Variants in GNRHR observed in about 807,000 individuals in gnomAD.
The protein encoded by GNRHR is gonadotropin-releasing hormone receptor.
Under a neutral mutation model 28.1 loss-of-function variants are expected in GNRHR, and 14 were observed. The observed-to-expected ratio is 0.50, with a 90% CI of 0.33 to 0.78. The LOEUF (loss-of-function observed/expected upper bound fraction) is 0.78. Ranked by LOEUF, GNRHR falls within the 30% of genes least tolerant of loss-of-function variation. The pLI is 0.02. For synonymous variants in GNRHR, 141 were observed against 140.5 expected (o/e 1.00, Z -0.02); for missense variants, 366 against 382.1 (o/e 0.96, Z 0.35).
chr4:67,744,755 G>C lies in GNRHR; in HGVS notation c.555C>G (p.Asp185Glu). ...LYIFRMIHLA[D>E]SSGQTKVFSQ... ...AGAAAACTTTTGTCTGTCCAGAGCT[G>C]TCTGCTAGATGAATCATCCTGAAGA... Residue 185 changes from aspartate to glutamate, a missense_variant, in exon 2 of 3, where the codon GAC becomes GAG. By Grantham distance (45) the Asp-to-Glu change is conservative. Transcript: ENST00000226413. 1 of 1,598,592 alleles carries C rather than the reference G, an allele frequency of 6.3e-7. No individual in the cohort carries two copies. The highest frequency in any genetic ancestry group is 8.6e-7 in the Non-Finnish European group (1 of 1,165,850).
rs1731575356 is a variant in GNRHR, at chr4:67,737,767, T to A, written c.*2713A>T. Among the ~76,000 whole-genome samples, 1 of 151,968 alleles carries A rather than the reference T, an allele frequency of 6.6e-6. No individual in the cohort carries two copies. The highest frequency in any genetic ancestry group is 6.6e-5 in the Admixed American group (1 of 15,236). ...GAATTGCTAAAAGAAATTCCATTTT[T>A]AACTAGTTTTATAGGCTAAGTAAAG... On this transcript the variant is annotated 3_prime_UTR_variant, in exon 3 of 3. Coordinates refer to ENST00000226413, the MANE Select transcript of GNRHR (RefSeq NM_000406.3).
Position 67,754,263 on chromosome 4 carries a change from G to T in GNRHR, c.73C>A (p.Gln25Lys), listed in dbSNP as rs199916649. The stretch of plus-strand genomic sequence containing the variant: ...AAGGTCAGAGTGGGGAGGTTGCCCT[G>T]CATCAGTGGGATGCTGTTGTTGATG... ...SAINNSIPLMQGNLPTLTLSG... is the reference protein window; with the variant it reads ...SAINNSIPLMKGNLPTLTLSG... The change falls in exon 1 of 3, where the codon CAG becomes AAG. Residue 25 changes from glutamine to lysine, a missense_variant. By Grantham distance (53) the Gln-to-Lys change is moderately conservative. Transcript: ENST00000226413. The T allele has an allele frequency of 4.0e-5, 65 of 1,612,818 alleles. No individual in the cohort carries two copies. The highest frequency in any genetic ancestry group is 5.3e-5 in the Non-Finnish European group (63 of 1,179,018).
At chr4:67,750,183 C>G (rs1262934814) in intron 1 of GNRHR, among the ~76,000 whole-genome samples, 1 of 152,042 alleles carries the variant, frequency 6.6e-6, no homozygotes, top group Non-Finnish European at 1.5e-5. Context: ...AGATTTGAGC[C>G]CAACTCCATT....
intron 2 of GNRHR, among the ~76,000 whole-genome samples, chr4:67,744,324 T>C (rs1258453556): frequency 6.6e-6 from 1 of 152,260 alleles, no homozygotes; most frequent in African/African-American, 2.4e-5. Flanking sequence ...ATAATCATTC[T>C]TTCTTATTTA....
intron 1 of GNRHR, among the ~76,000 whole-genome samples, chr4:67,745,163 C>A (rs1222435489): frequency 6.6e-6 from 1 of 151,852 alleles, no homozygotes; most frequent in South Asian, 2.1e-4. Flanking sequence ...TTAAAATGTA[C>A]CCCCCAAAAT....
In GNRHR at chr4:67,740,486, A is replaced by G. The variant is rs146305459; in HGVS notation, c.981T>C (p.Ser327=). ...TTCTTGTGTAGTCTATCAATCACAG[A>G]GAAAAATATCCATAGATAAGTGGAT... The part of the protein sequence containing the change: ...CFDPLIYGYF[S]L The change falls in exon 3 of 3, where the codon TCT becomes TCC. Residue 327 remains serine (S), a synonymous_variant. Transcript: ENST00000226413. 198 of 1,603,052 alleles carry G rather than the reference A, an allele frequency of 1.2e-4. No individual in the cohort carries two copies. The African/African-American group carries it at 2.2e-3, about 17-fold the overall frequency.
At chr4:67,744,910 T>TACTTCTG in intron 1 of GNRHR, 123 bp from the exon 2 acceptor site, 1 of 631,376 alleles carries the variant, frequency 1.6e-6, no homozygotes, top group Non-Finnish European at 2.8e-6. Context: ...CTTAGTGTTA[T>TACTTCTG]ACTTCTGACG....
At chr4:67,742,806 A>C (rs181615893) in intron 2 of GNRHR, among the ~76,000 whole-genome samples, 2 of 152,328 alleles carry the variant, frequency 1.3e-5, no homozygotes, top group African/African-American at 4.8e-5. Context: ...ATAGAGGAGA[A>C]CATTTACATG....
chr4:67,743,770 T>A (rs1180750869), intron 2 of GNRHR, among the ~76,000 whole-genome samples: 1 of 152,154 alleles, frequency 6.6e-6, no homozygotes, highest in Non-Finnish European at 1.5e-5. Flanking sequence ...GTTCTTGCAG[T>A]ATACTTTTTT....
At chr4:67,743,264 C>T (rs937274047) in intron 2 of GNRHR, among the ~76,000 whole-genome samples, 1 of 152,208 alleles carries the variant, frequency 6.6e-6, no homozygotes, top group South Asian at 2.1e-4. Context: ...CACACACTAT[C>T]GTTTAATCCT....
intron 2 of GNRHR, among the ~76,000 whole-genome samples, chr4:67,742,982 C>T (rs571609591): frequency 1.3e-5 from 2 of 150,790 alleles, no homozygotes; most frequent in South Asian, 2.1e-4. Flanking sequence ...TCCTGAGTTT[C>T]GCTCTTGCTG....
In GNRHR at chr4:67,740,093, C is replaced by T. The variant is rs1731628810; in HGVS notation, c.*387G>A. On this transcript the variant is annotated 3_prime_UTR_variant, in exon 3 of 3. Transcript: ENST00000226413. The stretch of plus-strand genomic sequence containing the variant: ...CCTTTTGGAGAAAAACTCACCAAAG[C>T]ATGCTGAGTTTAGACCTGTGTTGTG... 1 of 195,002 alleles carries T rather than the reference C, an allele frequency of 5.1e-6. No homozygotes were observed. Among genetic ancestry groups the T allele is most frequent in the Admixed American group, 5.4e-5 (1 of 18,562 alleles). 12.1% of individuals were successfully genotyped at this position (195,002 alleles called of 1,614,324 possible).
intron 1 of GNRHR, among the ~76,000 whole-genome samples, chr4:67,746,060 T>G (rs1352626278): frequency 6.6e-6 from 1 of 152,126 alleles, no homozygotes; most frequent in Admixed American, 6.5e-5. Context: ...GAGCTCTGAA[T>G]AGAACATATA....
Position 67,740,537 on chromosome 4 carries a change from G to A in GNRHR, c.930C>T (p.Leu310=). The A allele has an allele frequency of 6.2e-7, 1 of 1,606,486 alleles. No homozygotes were observed. Among genetic ancestry groups the A allele is most frequent in the Non-Finnish European group, 8.5e-7 (1 of 1,173,088 alleles). ...LSDPVNHFFF[L]FAFLNPCFDP... is the part of the protein sequence containing the mutation. ...CAAAGCATGGGTTTAAAAAGGCAAAGAGAAAGAAGAAGTGATTTACTGGGT... is the reference window on the plus strand; with the variant it reads ...CAAAGCATGGGTTTAAAAAGGCAAAAAGAAAGAAGAAGTGATTTACTGGGT... Residue 310 remains leucine, a synonymous_variant, in exon 3 of 3, where the codon CTC becomes CTT. Coordinates refer to ENST00000226413, the MANE Select transcript of GNRHR (RefSeq NM_000406.3).
rs781061386 is a variant in GNRHR, at chr4:67,738,152, T to C, written c.*2328A>G. The stretch of plus-strand genomic sequence containing the variant: ...AATAAGCATATTGAAGCAATCTTGT[T>C]TCAATATTTACATTTTTATGTTTGC... On this transcript the variant is annotated 3_prime_UTR_variant, in exon 3 of 3. Coordinates refer to ENST00000226413, the MANE Select transcript of GNRHR (RefSeq NM_000406.3). 4.0e-5 allele frequency among the ~76,000 whole-genome samples: 6 copies of C among 151,762 alleles called. No homozygotes were observed. The highest frequency in any genetic ancestry group is 7.4e-5 in the Non-Finnish European group (5 of 67,798).
Position 67,738,625 on chromosome 4 carries a change from A to G in GNRHR, c.*1855T>C, listed in dbSNP as rs559826470. 6.6e-5 allele frequency among the ~76,000 whole-genome samples: 10 copies of G among 152,130 alleles called. No homozygotes were observed. In the East Asian group the frequency reaches 1.2e-3, roughly 18 times the overall value. ...AGAAGTAAGAATTATCAGTTTAGGAATAAGTATATGATAGAGACTTAGAGG... is the reference window on the plus strand; with the variant it reads ...AGAAGTAAGAATTATCAGTTTAGGAGTAAGTATATGATAGAGACTTAGAGG... On this transcript the variant is annotated 3_prime_UTR_variant, in exon 3 of 3. Coordinates refer to ENST00000226413, the MANE Select transcript of GNRHR (RefSeq NM_000406.3).
chr4:67,742,930 C>A (rs1731685594), intron 2 of GNRHR, among the ~76,000 whole-genome samples: 1 of 151,856 alleles, frequency 6.6e-6, no homozygotes, highest in African/African-American at 2.4e-5. Context: ...TTACTCTGTG[C>A]CTTGAGGCCT....
chr4:67,748,050 T>C lies in GNRHR; in HGVS notation c.523-3263A>G, dbSNP rs115282001. ...TTGTCCTTGGATTATATTTCTTTAA[T>C]TTTGGTATATTTCTCCTCTCTTGCC... On this transcript the variant is annotated intron_variant, in intron 1 of 2. Transcript: ENST00000226413. Among the ~76,000 whole-genome samples, 286 of 152,276 alleles carry C rather than the reference T, an allele frequency of 1.9e-3. 2 individuals are homozygous for C. The highest frequency in any genetic ancestry group is 6.6e-3 in the African/African-American group (276 of 41,578).
intron 1 of GNRHR, among the ~76,000 whole-genome samples, chr4:67,750,517 A>G (rs192640203): frequency 2.0e-5 from 3 of 152,164 alleles, no homozygotes; most frequent in Non-Finnish European, 2.9e-5. Context: ...GAAAGTTTCT[A>G]TGCCACACTA....
Sources: gnomAD v4.1 joint callset for allele counts (sites outside exome capture counted in the v4.1 genomes callset) on GRCh38, gnomAD v4.1.1 for gene constraint, MANE v1.5 for transcripts, NCBI Gene and HGNC (gene_info 2026-07-23, HGNC 2026-07-21) for gene names.